Variants in CNOT6 observed in about 807,000 individuals in gnomAD.
CNOT6 encodes CCR4-NOT transcription complex subunit 6.
Under a neutral mutation model 61.2 loss-of-function variants are expected in CNOT6, and 12 were observed. The observed-to-expected ratio is 0.20, with a 90% CI of 0.13 to 0.32. CNOT6 has a LOEUF of 0.32. CNOT6 is among the 10% of genes least tolerant of loss of function. The pLI is 1.00. For synonymous variants in CNOT6, 225 were observed against 240.6 expected (o/e 0.94, Z 0.60); for missense variants, 405 against 663.9 (o/e 0.61, Z 4.28).
At chr5:180,555,156 AC>A (rs1176106768) in intron 4 of CNOT6, among the ~76,000 whole-genome samples, 9 of 151,970 alleles carry the variant, frequency 5.9e-5, no homozygotes, top group Non-Finnish European at 1.2e-4. Context: ...ACAGGTACCC[AC>A]CACCATGCCC....
Position 180,541,732 on chromosome 5 carries a change from G to A in CNOT6, c.113-8199G>A, listed in dbSNP as rs908918588. ...CTCTCAAAGTGCTGGGATTACAGGC[G>A]TGAGCCACCATGCCCGGCCAGAGAA... On this transcript the variant is annotated intron_variant, in intron 2 of 11. Transcript: ENST00000261951. Among the ~76,000 whole-genome samples, 5 of 151,496 alleles carry A rather than the reference G, an allele frequency of 3.3e-5. No individual in the cohort carries two copies. The South Asian group carries it at 6.3e-4, about 19-fold the overall frequency.
intron 1 of CNOT6, 139 bp from the exon 2 acceptor site, chr5:180,529,136 T>TGGA: frequency 1.6e-6 from 1 of 628,722 alleles, no homozygotes; most frequent in Non-Finnish European, 2.9e-6. Flanking sequence ...TTGAAGAGGT[T>TGGA]GGAGTGAGCC....
intron 2 of CNOT6, among the ~76,000 whole-genome samples, chr5:180,545,349 G>A (rs1369320624): frequency 2.0e-5 from 3 of 152,072 alleles, no homozygotes; most frequent in Non-Finnish European, 4.4e-5. Context: ...AGCAACCGCT[G>A]TTCTGCTTTC....
intron 1 of CNOT6, among the ~76,000 whole-genome samples, chr5:180,523,051 C>G (rs558814358): frequency 5.9e-5 from 9 of 152,124 alleles, no homozygotes; most frequent in East Asian, 1.9e-4. Flanking sequence ...GGGACTCAGC[C>G]CATAATCTCA....
At chr5:180,543,214 A>T (rs1388219309) in intron 2 of CNOT6, among the ~76,000 whole-genome samples, 1 of 151,952 alleles carries the variant, frequency 6.6e-6, no homozygotes. Context: ...GCCTACCAGC[A>T]CTCCTGGCTA....
Position 180,494,637 on chromosome 5 carries a change from G to T in CNOT6, c.-129G>T, listed in dbSNP as rs988402234. 2 of 157,782 alleles carry T rather than the reference G, an allele frequency of 1.3e-5. No individual in the cohort carries two copies. The highest frequency in any genetic ancestry group is 1.8e-4 in the South Asian group (1 of 5,698). 9.8% of individuals were successfully genotyped at this position (157,782 alleles called of 1,614,324 possible). A position where few individuals can be genotyped will look rare whatever the true frequency, so the allele number is the denominator to read the frequency against. On this transcript the variant is annotated 5_prime_UTR_variant, in exon 1 of 12. Transcript: ENST00000261951. ...AAGAGCAGCGACTAAGGCGGCAGAG[G>T]AGCGGCGGCGGTGGCGGCGCTGCAG...
At chr5:180,514,405 G>A (rs574646350) in intron 1 of CNOT6, among the ~76,000 whole-genome samples, 3 of 152,350 alleles carry the variant, frequency 2.0e-5, no homozygotes, top group African/African-American at 7.2e-5. Flanking sequence ...CTAGGCGAAA[G>A]AGCGAAACTC....
chr5:180,550,375 C>T (rs980798543), intron 3 of CNOT6, among the ~76,000 whole-genome samples: 3 of 151,132 alleles, frequency 2.0e-5, no homozygotes, highest in African/African-American at 7.3e-5. Context: ...AGTGTGAACC[C>T]GGGAGGTGGA....
intron 1 of CNOT6, among the ~76,000 whole-genome samples, chr5:180,516,578 A>G (rs1158931587): frequency 6.6e-6 from 1 of 152,206 alleles, no homozygotes; most frequent in African/African-American, 2.4e-5. Context: ...ACTAAAATAA[A>G]TAGTTAAACG....
intron 1 of CNOT6, among the ~76,000 whole-genome samples, chr5:180,510,216 A>T (rs1175428013): frequency 8.2e-6 from 1 of 121,274 alleles, no homozygotes; most frequent in African/African-American, 3.2e-5. Flanking sequence ...TGCAGTGGCT[A>T]TTCACAGGTG....
intron 4 of CNOT6, among the ~76,000 whole-genome samples, chr5:180,558,888 C>T (rs2127754578): frequency 6.6e-6 from 1 of 152,272 alleles, no homozygotes; most frequent in South Asian, 2.1e-4. Context: ...AAGCAATCCC[C>T]CCACCTCAGC....
chr5:180,541,312 T>A (rs988796720), intron 2 of CNOT6, among the ~76,000 whole-genome samples: 9 of 151,780 alleles, frequency 5.9e-5, no homozygotes, highest in Non-Finnish European at 1.3e-4. Flanking sequence ...CTAATTTTTT[T>A]ATTTTTAGTA....
At position 180,541,225 on chromosome 5, in the gene CNOT6, G is replaced by A. The variant is rs1489218320; in HGVS notation, c.113-8706G>A. On this transcript the variant is annotated intron_variant, in intron 2 of 11. Transcript: ENST00000261951. ...ACAATCTCACCTCACTGCAACCTCCGCCTCCCTGGTTGAAGTGATTCTCCT... is the reference window on the plus strand; with the variant it reads ...ACAATCTCACCTCACTGCAACCTCCACCTCCCTGGTTGAAGTGATTCTCCT... Among the ~76,000 whole-genome samples, 3 of 150,712 alleles carry A rather than the reference G, an allele frequency of 2.0e-5. No homozygotes were observed. The East Asian group carries it at 5.9e-4, about 29-fold the overall frequency.
intron 1 of CNOT6, among the ~76,000 whole-genome samples, chr5:180,526,821 A>G (rs1758121652): frequency 6.6e-6 from 1 of 152,160 alleles, no homozygotes; most frequent in South Asian, 2.1e-4. Flanking sequence ...TATTTCACCT[A>G]AATATTTTAG....
At chr5:180,520,641 CAAAAGA>C (rs1757840878) in intron 1 of CNOT6, among the ~76,000 whole-genome samples, 1 of 151,450 alleles carries the variant, frequency 6.6e-6, no homozygotes, top group Non-Finnish European at 1.5e-5. Context: ...ACTCCATCTC[CAAAAGA>C]AAAAGAAAAG....
At chr5:180,550,618 T>G (rs1759548998) in intron 3 of CNOT6, among the ~76,000 whole-genome samples, 1 of 152,202 alleles carries the variant, frequency 6.6e-6, no homozygotes, top group South Asian at 2.1e-4. Context: ...TTGGCTGAAT[T>G]TTTTAATTAC....
At chr5:180,502,756 C>T (rs1756921659) in intron 1 of CNOT6, among the ~76,000 whole-genome samples, 1 of 152,028 alleles carries the variant, frequency 6.6e-6, no homozygotes, top group African/African-American at 2.4e-5. Flanking sequence ...GTAATCTCTC[C>T]TAATTAAAAA....
At chr5:180,515,299 G>A (rs1757585293) in intron 1 of CNOT6, among the ~76,000 whole-genome samples, 1 of 152,030 alleles carries the variant, frequency 6.6e-6, no homozygotes, top group African/African-American at 2.4e-5. Context: ...TTAGCTGGGT[G>A]TGGTGGTGCC....
Position 180,554,054 on chromosome 5 carries a change from C to G in CNOT6, c.385+583C>G, listed in dbSNP as rs540113610. On this transcript the variant is annotated intron_variant, in intron 4 of 11. Coordinates refer to ENST00000261951, the MANE Select transcript of CNOT6 (RefSeq NM_001370472.1). Reference sequence around the variant, plus strand: ...TCATGTTAAGCAGTTCTTCACCAGCCTTGGGTAGGTGTGTCTAGCCTACTG... The same window carrying G: ...TCATGTTAAGCAGTTCTTCACCAGCGTTGGGTAGGTGTGTCTAGCCTACTG... Among the ~76,000 whole-genome samples the G allele has an allele frequency of 5.3e-5, 8 of 152,272 alleles. No individual in the cohort carries two copies. The South Asian group carries it at 1.7e-3, about 32-fold the overall frequency.
Sources: allele counts gnomAD v4.1 joint callset (sites outside exome capture counted in the v4.1 genomes callset), GRCh38; gene constraint gnomAD v4.1.1; transcripts MANE v1.5; gene names NCBI Gene and HGNC (gene_info 2026-07-23, HGNC 2026-07-21).